Variants in ZBTB7C observed in about 807,000 individuals in gnomAD.
ZBTB7C encodes the protein zinc finger and BTB domain-containing protein 7C.
ZBTB7C carries 8 observed loss-of-function variants against 25.7 expected under a neutral mutation model. The ratio of observed to expected loss-of-function variants is 0.31; its 90% CI spans 0.18 to 0.56. The LOEUF (loss-of-function observed/expected upper bound fraction) is 0.56. Ranked by LOEUF, ZBTB7C falls within the 20% of genes least tolerant of loss-of-function variation. ZBTB7C has a pLI of 0.91. For synonymous variants in ZBTB7C, 394 were observed against 369.0 expected (o/e 1.07, Z -0.78); for missense variants, 824 against 855.2 (o/e 0.96, Z 0.46).
At chr18:48,361,949 C>T (rs1349732903) in intron 1 of ZBTB7C, among the ~76,000 whole-genome samples, 3 of 152,228 alleles carry the variant, frequency 2.0e-5, no homozygotes, top group Non-Finnish European at 2.9e-5. Context: ...TGCCTCCCCT[C>T]GTGTAACTCC....
At chr18:48,409,114 A>AAGCC (rs2048349248) in intron 1 of ZBTB7C, 112 bp downstream of exon 1, 1 of 150,710 alleles carries the variant, frequency 6.6e-6, no homozygotes, top group African/African-American at 2.4e-5. Flanking sequence ...AGCCCAAGCA[A>AAGCC]AGCCACCCGC....
At chr18:48,201,608 C>T (rs532149466) in intron 2 of ZBTB7C, among the ~76,000 whole-genome samples, 23 of 152,186 alleles carry the variant, frequency 1.5e-4, no homozygotes, top group African/African-American at 5.1e-4. Flanking sequence ...GCCTCTCCTC[C>T]TGCCTCTTTC....
chr18:48,249,367 A>G (rs1365252454), intron 2 of ZBTB7C, among the ~76,000 whole-genome samples: 2 of 152,232 alleles, frequency 1.3e-5, no homozygotes, highest in Non-Finnish European at 2.9e-5. Flanking sequence ...TAAATGGCCA[A>G]CATTAAGGGG....
chr18:48,144,140 G>A (rs1317807820), intron 3 of ZBTB7C, among the ~76,000 whole-genome samples: 1 of 152,034 alleles, frequency 6.6e-6, no homozygotes, highest in Non-Finnish European at 1.5e-5. Flanking sequence ...TTAGCTGGAC[G>A]TGGTGGTGCC....
chr18:48,362,197 A>C (rs1568400699), intron 1 of ZBTB7C, among the ~76,000 whole-genome samples: 1 of 152,244 alleles, frequency 6.6e-6, no homozygotes, highest in Non-Finnish European at 1.5e-5. Flanking sequence ...GGTCCCTTTC[A>C]GTTGCCAAGG....
chr18:48,248,859 T>C (rs569637466), intron 2 of ZBTB7C, among the ~76,000 whole-genome samples: 1 of 152,096 alleles, frequency 6.6e-6, no homozygotes, highest in South Asian at 2.1e-4. Flanking sequence ...TTTTCTGTAA[T>C]AAAAATAAAA....
chr18:48,165,788 G>T lies in ZBTB7C; in HGVS notation c.-17+20146C>A, dbSNP rs565881380. On this transcript the variant is annotated intron_variant, in intron 3 of 4. Coordinates refer to ENST00000590800, the MANE Select transcript of ZBTB7C (RefSeq NM_001318841.2). ...AACCACAACAGCCCCTCTTTGCAGG[G>T]TCTGCACAGCTCTGTGACCAGCACA... 2.0e-5 allele frequency among the ~76,000 whole-genome samples: 3 copies of T among 152,308 alleles called. No individual in the cohort carries two copies. In the East Asian group the frequency reaches 5.8e-4, roughly 29 times the overall value.
chr18:48,268,448 A>T (rs1226141749), intron 2 of ZBTB7C, among the ~76,000 whole-genome samples: 1 of 152,210 alleles, frequency 6.6e-6, no homozygotes, highest in Non-Finnish European at 1.5e-5. Context: ...GGAAATAACT[A>T]AGAAGAACTT....
intron 2 of ZBTB7C, among the ~76,000 whole-genome samples, chr18:48,293,718 C>T (rs1010268741): frequency 2.6e-5 from 4 of 152,172 alleles, no homozygotes; most frequent in Non-Finnish European, 5.9e-5. Flanking sequence ...CTATGAGGCA[C>T]AGGCTTAAAC....
At chr18:48,096,421 T>C (rs911273255) in intron 3 of ZBTB7C, among the ~76,000 whole-genome samples, 28 of 152,342 alleles carry the variant, frequency 1.8e-4, no homozygotes, top group African/African-American at 6.3e-4. Context: ...GGCATCCTGA[T>C]GACATCAGGG....
At chr18:48,359,461 A>G (rs1304678310) in intron 1 of ZBTB7C, among the ~76,000 whole-genome samples, 17 of 152,264 alleles carry the variant, frequency 1.1e-4, no homozygotes, top group Non-Finnish European at 8.8e-5. Flanking sequence ...AAGTTTTTAT[A>G]GTAATGGCAA....
chr18:48,375,818 G>A (rs1236934189), intron 1 of ZBTB7C, among the ~76,000 whole-genome samples: 1 of 152,150 alleles, frequency 6.6e-6, no homozygotes, highest in Non-Finnish European at 1.5e-5. Context: ...ACTCCTTCTC[G>A]GATCCTGGCA....
chr18:48,042,504 T>C (rs1470673741), intron 3 of ZBTB7C, among the ~76,000 whole-genome samples: 1 of 152,122 alleles, frequency 6.6e-6, no homozygotes, highest in Non-Finnish European at 1.5e-5. Context: ...TCCTTACACA[T>C]TTATCTTCTG....
intron 1 of ZBTB7C, among the ~76,000 whole-genome samples, chr18:48,374,900 G>A (rs73957647): frequency 1.3e-5 from 2 of 152,192 alleles, no homozygotes; most frequent in Non-Finnish European, 2.9e-5. Context: ...AGCCGGCAGG[G>A]TGCTGGCCTG....
chr18:48,105,434 T>G (rs886326297), intron 3 of ZBTB7C, among the ~76,000 whole-genome samples: 2 of 152,194 alleles, frequency 1.3e-5, no homozygotes, highest in Non-Finnish European at 2.9e-5. Flanking sequence ...TCTTGGGGCA[T>G]ATGGGATCGT....
chr18:48,057,452 C>G (rs2036963052), intron 3 of ZBTB7C, among the ~76,000 whole-genome samples: 1 of 152,138 alleles, frequency 6.6e-6, no homozygotes, highest in African/African-American at 2.4e-5. Context: ...TAAGATTTAT[C>G]ACTATGCTGC....
intron 2 of ZBTB7C, among the ~76,000 whole-genome samples, chr18:48,302,323 ACTTCC>A: frequency 6.6e-6 from 1 of 152,226 alleles, no homozygotes; most frequent in Middle Eastern, 3.4e-3. Context: ...CTGCTCCTTG[ACTTCC>A]CTTGGCCATT....
At position 48,040,709 on chromosome 18, in the gene ZBTB7C, C is replaced by T. The variant is rs370314645; in HGVS notation, c.399G>A (p.Gly133=). Residue 133 remains glycine, a synonymous_variant, in exon 4 of 5, where the codon GGG becomes GGA. Transcript: ENST00000590800. ...CGTCCTCCTTGTCATCCTCCTCCCC[C>T]CCGTCCCCCCCAGGCTCCATGATCT... The part of the protein sequence containing the change: ...CLEIMEPGGD[G]GEEDDKEDDD... 22 of 1,613,818 alleles carry T rather than the reference C, an allele frequency of 1.4e-5. No homozygotes were observed. Among genetic ancestry groups the T allele is most frequent in the Middle Eastern group, 3.3e-4 (2 of 6,080 alleles).
chr18:48,289,722 T>C (rs534773537), intron 2 of ZBTB7C, among the ~76,000 whole-genome samples: 1 of 152,138 alleles, frequency 6.6e-6, no homozygotes, highest in African/African-American at 2.4e-5. Context: ...CTAGGGCACA[T>C]ACAACCACAC....
Sources: gnomAD v4.1 joint callset for allele counts (sites outside exome capture counted in the v4.1 genomes callset) on GRCh38, gnomAD v4.1.1 for gene constraint, MANE v1.5 for transcripts, NCBI Gene and HGNC (gene_info 2026-07-23, HGNC 2026-07-21) for gene names.